Variants in TEK observed in about 807,000 individuals in gnomAD.
TEK encodes the protein TEK receptor tyrosine kinase.
TEK carries 43 observed loss-of-function variants against 131.8 expected under a neutral mutation model. The ratio of observed to expected loss-of-function variants is 0.33; its 90% confidence interval spans 0.26 to 0.42. TEK has a LOEUF of 0.42. Ranked by LOEUF, TEK falls within the 10% of genes least tolerant of loss-of-function variation. The pLI is 1.00. For synonymous variants in TEK, 580 were observed against 491.6 expected (o/e 1.18, Z -2.38); for missense variants, 1,162 against 1,384.4 (o/e 0.84, Z 2.55).
chr9:27,140,979 T>C (rs1344199208), intron 1 of TEK, among the ~76,000 whole-genome samples: 4 of 152,110 alleles, frequency 2.6e-5, no homozygotes, highest in Non-Finnish European at 5.9e-5. Context: ...GGTCCTTTTT[T>C]CTTTTAATTT....
At chr9:27,201,869 C>A (rs150250372) in intron 12 of TEK, among the ~76,000 whole-genome samples, 1 of 152,134 alleles carries the variant, frequency 6.6e-6, no homozygotes, top group African/African-American at 2.4e-5. Flanking sequence ...TCTCAGTTTT[C>A]TCATCTCTAA....
Position 27,197,403 on chromosome 9 carries a change from A to G in TEK, c.1713A>G (p.Glu571=). ...GGCAACCAATATTTCCAAGCTCGGA[A>G]GATGACTTTTATGTTGAAGTGGAGA... ...LTWQPIFPSS[E]DDFYVEVERR... is the part of the protein sequence containing the mutation. Residue 571 remains glutamate (E), a synonymous_variant, in exon 12 of 23, where the codon GAA becomes GAG. Transcript: ENST00000380036. 2 of 1,614,198 alleles carry G rather than the reference A, an allele frequency of 1.2e-6. No individual in the cohort carries two copies. The highest frequency in any genetic ancestry group is 1.7e-6 in the Non-Finnish European group (2 of 1,180,014).
intron 21 of TEK, among the ~76,000 whole-genome samples, chr9:27,223,187 A>G (rs1826162366): frequency 6.6e-6 from 1 of 152,204 alleles, no homozygotes; most frequent in African/African-American, 2.4e-5. Context: ...AGGAGTCTTA[A>G]CACCCCACTA....
At chr9:27,197,217 C>A in intron 11 of TEK, 98 bp from the exon 12 acceptor site, 2 of 1,365,998 alleles carry the variant, frequency 1.5e-6, no homozygotes, top group Non-Finnish European at 2.1e-6. Context: ...CCACCTCCAA[C>A]ACTGGGGATT....
intron 20 of TEK, 65 bp downstream of exon 20, chr9:27,218,882 C>T (rs1825931020): frequency 6.8e-7 from 1 of 1,471,358 alleles, no homozygotes; most frequent in African/African-American, 1.4e-5. Context: ...CTCTAGCACT[C>T]CCTTGCTGCA....
At chr9:27,209,976 C>T (rs945163860) in intron 16 of TEK, among the ~76,000 whole-genome samples, 6 of 152,108 alleles carry the variant, frequency 3.9e-5, no homozygotes, top group Non-Finnish European at 8.8e-5. Flanking sequence ...AAGTTTGCTC[C>T]CACAAAAAGC....
At chr9:27,183,845 G>C (rs1824490754) in intron 8 of TEK, among the ~76,000 whole-genome samples, 2 of 152,228 alleles carry the variant, frequency 1.3e-5, no homozygotes, top group African/African-American at 4.8e-5. Context: ...CTGGGGAACT[G>C]ACAGAGCTGG....
chr9:27,216,115 C>T (rs1451874722), intron 18 of TEK, among the ~76,000 whole-genome samples: 1 of 152,124 alleles, frequency 6.6e-6, no homozygotes, highest in Non-Finnish European at 1.5e-5. Context: ...GGATAAAGTC[C>T]TGAAGGGCCT....
Position 27,158,005 on chromosome 9 carries a change from A to G in TEK, c.227A>G (p.Gln76Arg), listed in dbSNP as rs1316259184. The G allele has an allele frequency of 6.2e-7, 1 of 1,614,182 alleles. No homozygotes were observed. Among genetic ancestry groups the G allele is most frequent in the Admixed American group, 1.7e-5 (1 of 60,030 alleles). ...NQHQDPLEVT[Q>R]DVTREWAKKV... ...CACCAGGATCCGCTGGAAGTTACTCAAGATGTGACCAGAGAATGGGCTAAA... is the reference window on the plus strand; with the variant it reads ...CACCAGGATCCGCTGGAAGTTACTCGAGATGTGACCAGAGAATGGGCTAAA... The change falls in exon 2 of 23, where the codon CAA becomes CGA. Residue 76 changes from glutamine (Q) to arginine (R), a missense_variant. Transcript: ENST00000380036.
At chr9:27,134,076 T>C (rs1822327234) in intron 1 of TEK, among the ~76,000 whole-genome samples, 1 of 152,200 alleles carries the variant, frequency 6.6e-6, no homozygotes, top group Non-Finnish European at 1.5e-5. Flanking sequence ...CATGCTCGTA[T>C]GTAGAGGCTG....
rs192619494 is a variant in TEK at position 27,148,188 on chromosome 9, C to A, written c.53-9643C>A. On this transcript the variant is annotated intron_variant, in intron 1 of 22. Transcript: ENST00000380036. ...TAAACATGTTTTACTAATTACACTG[C>A]CCATCAACAATATAGATGTTTCTAT... 9.1e-4 allele frequency among the ~76,000 whole-genome samples: 139 copies of A among 152,334 alleles called. 2 individuals carry two copies. In the East Asian group the frequency reaches 0.025, roughly 28 times the overall value.
chr9:27,117,475 C>T (rs1287710470), intron 1 of TEK, among the ~76,000 whole-genome samples: 1 of 152,190 alleles, frequency 6.6e-6, no homozygotes, highest in East Asian at 1.9e-4. Flanking sequence ...GACCTCTTCC[C>T]CCAGCCCCAC....
At chr9:27,178,561 T>A (rs1824252572) in intron 6 of TEK, among the ~76,000 whole-genome samples, 1 of 152,166 alleles carries the variant, frequency 6.6e-6, no homozygotes, top group African/African-American at 2.4e-5. Flanking sequence ...TGATTGATAC[T>A]AAAAATAAAG....
At chr9:27,162,955 C>G (rs932161067) in intron 2 of TEK, among the ~76,000 whole-genome samples, 1 of 152,130 alleles carries the variant, frequency 6.6e-6, no homozygotes, top group Admixed American at 6.5e-5. Flanking sequence ...ACCTTGTGAT[C>G]CACCCACCTC....
Position 27,229,510 on chromosome 9 carries a change from A to G in TEK, c.*278A>G. On this transcript the variant is annotated 3_prime_UTR_variant, in exon 23 of 23. Coordinates refer to ENST00000380036, the MANE Select transcript of TEK (RefSeq NM_000459.5). ...ATATTTTTTTAAAAATGTGGACTTC[A>G]TAGGAAGGCGTGAGTACAATTAGTA... 3 of 467,260 alleles carry G rather than the reference A, an allele frequency of 6.4e-6. No homozygotes were observed. The highest frequency in any genetic ancestry group is 4.0e-5 in the East Asian group (1 of 25,186). 28.9% of individuals were successfully genotyped at this position (467,260 alleles called of 1,614,324 possible). A position where few individuals can be genotyped will look rare whatever the true frequency, so the allele number is the denominator to read the frequency against.
intron 12 of TEK, among the ~76,000 whole-genome samples, chr9:27,200,645 C>G (rs1190645316): frequency 6.6e-6 from 1 of 152,080 alleles, no homozygotes; most frequent in African/African-American, 2.4e-5. Context: ...ATTAATACTT[C>G]CAGTTATAAA....
intron 12 of TEK, among the ~76,000 whole-genome samples, chr9:27,199,419 T>C (rs1009287499): frequency 6.6e-6 from 1 of 152,204 alleles, no homozygotes; most frequent in Admixed American, 6.5e-5. Flanking sequence ...CATGGGCTAT[T>C]TCCCTCTAAA....
chr9:27,115,947 C>A (rs940775109), intron 1 of TEK, among the ~76,000 whole-genome samples: 3 of 152,296 alleles, frequency 2.0e-5, no homozygotes, highest in African/African-American at 7.2e-5. Context: ...TTTGTTCTAT[C>A]ATGTCATATA....
intron 7 of TEK, 45 bp from the exon 8 acceptor site, chr9:27,183,414 G>A (rs1193670972): frequency 6.2e-7 from 1 of 1,600,472 alleles, no homozygotes. Flanking sequence ...ACTGCTGCTG[G>A]CTCTGTTAAA....
Sources: allele counts gnomAD v4.1 joint callset (sites outside exome capture counted in the v4.1 genomes callset), GRCh38; gene constraint gnomAD v4.1.1; transcripts MANE v1.5; gene names NCBI Gene and HGNC (gene_info 2026-07-23, HGNC 2026-07-21).